The following PTCHD4 variants were observed in gnomAD, a reference collection of about 807,000 sequenced individuals.
The protein encoded by PTCHD4 is patched domain-containing protein 4.
Under a neutral mutation model 58.1 loss-of-function variants are expected in PTCHD4, and 33 were observed. The observed-to-expected ratio is 0.57, with a 90% CI of 0.43 to 0.76. The LOEUF (loss-of-function observed/expected upper bound fraction) is 0.76, where lower values mean the gene tolerates loss of function less well. Ranked by LOEUF, PTCHD4 falls within the 30% of genes least tolerant of loss-of-function variation. PTCHD4 has a pLI of 0.00. For synonymous variants in PTCHD4, 478 were observed against 409.6 expected, an observed-to-expected ratio of 1.17 and a Z score of -2.02; for missense variants, 1,058 against 1,027.1, an observed-to-expected ratio of 1.03 and a Z score of -0.41.
chr6:47,907,518 A>C (rs180922780), intron 4 of PTCHD4, among the ~76,000 whole-genome samples: 2 of 152,284 alleles, frequency 1.3e-5, no homozygotes, highest in Admixed American at 6.5e-5. Flanking sequence ...ATAGCATGGG[A>C]TGAATGCCCT....
chr6:47,933,420 C>T (rs940429220), intron 4 of PTCHD4, among the ~76,000 whole-genome samples: 2 of 152,208 alleles, frequency 1.3e-5, no homozygotes, highest in Non-Finnish European at 2.9e-5. Context: ...CAAGGGCCCA[C>T]ATTTTGTGCA....
rs1393557049 is a variant in PTCHD4 at position 48,068,632 on chromosome 6, T to C, written c.15A>G (p.Gly5=). The part of the protein sequence containing the change: MRRP[G]APASWIWWRM... ...TCCACCAGATCCAGCTCGCAGGCGC[T>C]CCCGGCCGTCTTAAAAAGCACATGT... Residue 5 remains glycine, a synonymous_variant, in exon 3 of 5, where the codon GGA becomes GGG. Transcript: ENST00000339488. This position sits in a 1 kb window ranked among gnomAD's most constrained non-coding sequence, Gnocchi z 4.2. 1 of 1,551,898 alleles carries C rather than the reference T, an allele frequency of 6.4e-7. No individual in the cohort carries two copies.
chr6:48,102,334 T>A (rs1346276119), intron 1 of PTCHD4, among the ~76,000 whole-genome samples: 2 of 152,222 alleles, frequency 1.3e-5, no homozygotes, highest in Non-Finnish European at 2.9e-5. Flanking sequence ...GTCTTACAAA[T>A]ATCTGATTGA....
At chr6:48,050,287 C>T (rs1764184394) in intron 3 of PTCHD4, among the ~76,000 whole-genome samples, 2 of 151,824 alleles carry the variant, frequency 1.3e-5, no homozygotes, top group South Asian at 4.1e-4. Flanking sequence ...GGAAAAAATG[C>T]TATAGGGAAT....
chr6:48,011,372 T>C (rs1268595001), intron 3 of PTCHD4, among the ~76,000 whole-genome samples: 1 of 152,216 alleles, frequency 6.6e-6, no homozygotes, highest in Non-Finnish European at 1.5e-5. Flanking sequence ...CCTCATTAAA[T>C]GTCTTCTTTT....
chr6:48,108,917 T>C (rs1471961632), intron 1 of PTCHD4, among the ~76,000 whole-genome samples: 1 of 151,936 alleles, frequency 6.6e-6, no homozygotes, highest in East Asian at 1.9e-4. Context: ...GACAATTCAC[T>C]AATAACATTA....
chr6:47,936,758 C>T (rs1212227813), intron 4 of PTCHD4, among the ~76,000 whole-genome samples: 1 of 152,024 alleles, frequency 6.6e-6, no homozygotes, highest in Non-Finnish European at 1.5e-5. Flanking sequence ...AGTTTACATT[C>T]TAATACACAC....
chr6:47,886,903 C>A (rs1346008279), intron 4 of PTCHD4, among the ~76,000 whole-genome samples: 1 of 152,206 alleles, frequency 6.6e-6, no homozygotes, highest in Non-Finnish European at 1.5e-5. Context: ...ACTTAGACAT[C>A]TCTGCCCTGT....
chr6:47,901,008 G>C (rs914607508), intron 4 of PTCHD4: 1 of 150,854 alleles, frequency 6.6e-6, no homozygotes, highest in African/African-American at 2.4e-5. Flanking sequence ...CAAAAAATTA[G>C]CCGGGCGCGG....
intron 4 of PTCHD4, among the ~76,000 whole-genome samples, chr6:47,936,901 G>T (rs1373585014): frequency 1.3e-5 from 2 of 152,210 alleles, no homozygotes; most frequent in Admixed American, 6.5e-5. Context: ...ACCTAGAGGT[G>T]GTCAAGCTAG....
chr6:48,017,503 C>G (rs529980326), intron 3 of PTCHD4, among the ~76,000 whole-genome samples: 12 of 152,144 alleles, frequency 7.9e-5, no homozygotes, highest in African/African-American at 2.4e-4. Flanking sequence ...TCTAGCCATC[C>G]AGAATATAAA....
intron 3 of PTCHD4, among the ~76,000 whole-genome samples, chr6:48,061,287 C>A (rs1483975925): frequency 6.6e-6 from 1 of 152,100 alleles, no homozygotes; most frequent in Non-Finnish European, 1.5e-5. Flanking sequence ...CAGCTTAAAG[C>A]TTAAACAGGT....
At position 48,031,445 on chromosome 6, in the gene PTCHD4, A is replaced by T. The variant is rs376618915; in HGVS notation, c.418-22331T>A. Among the ~76,000 whole-genome samples, 8 of 152,056 alleles carry T rather than the reference A, an allele frequency of 5.3e-5. No homozygotes were observed. In the East Asian group the frequency reaches 9.7e-4, roughly 18 times the overall value. ...TGCAGTGGTCCCTGCACCTATCACAATAGTGTCCCTCTGAGTAAAGAATAA... is the reference window on the plus strand; with the variant it reads ...TGCAGTGGTCCCTGCACCTATCACATTAGTGTCCCTCTGAGTAAAGAATAA... On this transcript the variant is annotated intron_variant, in intron 3 of 4. Transcript: ENST00000339488.
At chr6:47,917,216 C>T (rs1276861899) in intron 4 of PTCHD4, among the ~76,000 whole-genome samples, 2 of 151,586 alleles carry the variant, frequency 1.3e-5, no homozygotes, top group East Asian at 1.9e-4. Flanking sequence ...CTATTTTGGG[C>T]AAAACGACTA....
At chr6:47,920,372 G>T (rs1561957845) in intron 4 of PTCHD4, among the ~76,000 whole-genome samples, 1 of 152,110 alleles carries the variant, frequency 6.6e-6, no homozygotes, top group Non-Finnish European at 1.5e-5. Flanking sequence ...TAGCTGTAGG[G>T]TGGGGGTCCA....
At chr6:48,106,632 C>A (rs144438410) in intron 1 of PTCHD4, among the ~76,000 whole-genome samples, 4 of 152,014 alleles carry the variant, frequency 2.6e-5, no homozygotes, top group East Asian at 1.9e-4. Flanking sequence ...AAATAAAGGG[C>A]ATTCAATTAG....
At chr6:47,951,551 A>G (rs1047191710) in intron 4 of PTCHD4, among the ~76,000 whole-genome samples, 1 of 152,310 alleles carries the variant, frequency 6.6e-6, no homozygotes, top group East Asian at 1.9e-4. Context: ...TCTGGAAATG[A>G]TATTTTCAGT....
At position 47,878,615 on chromosome 6, in the gene PTCHD4, G is replaced by A. The variant is rs1219662718; in HGVS notation, c.2220C>T (p.Thr740=). The A allele has an allele frequency of 6.2e-7, 1 of 1,613,494 alleles. No homozygotes were observed. Among genetic ancestry groups the A allele is most frequent in the Admixed American group, 1.7e-5 (1 of 59,890 alleles). Residue 740 remains threonine, a synonymous_variant, in exon 5 of 5, where the codon ACC becomes ACT. Transcript: ENST00000339488. The part of the protein sequence containing the change: ...LFTFVLATEH[T]RTQCIKSSLQ... ...AGGAGCTTTTTATACATTGTGTTCG[G>A]GTGTGCTCAGTTGCTAATACAAATG...
intron 3 of PTCHD4, among the ~76,000 whole-genome samples, chr6:48,016,405 G>A (rs1478735661): frequency 6.6e-6 from 1 of 152,020 alleles, no homozygotes; most frequent in Non-Finnish European, 1.5e-5. Context: ...TCATTGCACT[G>A]TGGAAAATGA....
Sources: allele counts gnomAD v4.1 joint callset (sites outside exome capture counted in the v4.1 genomes callset), GRCh38; gene constraint gnomAD v4.1.1; non-coding constraint Gnocchi (gnomAD v3.1); transcripts MANE v1.5; gene names NCBI Gene and HGNC (gene_info 2026-07-23, HGNC 2026-07-21).